Variants in RAB31 observed in about 807,000 individuals in gnomAD.
The protein encoded by RAB31 is ras-related protein Rab-31.
A neutral mutation model predicts 25.6 loss-of-function variants in RAB31; 21 were observed. The observed-to-expected ratio is 0.82, with a 90% CI of 0.58 to 1.18. The LOEUF (loss-of-function observed/expected upper bound fraction) is 1.18, where lower values mean the gene tolerates loss of function less well. Among genes scored for constraint, RAB31 ranks in the 50% most tolerant of loss-of-function variants. The probability of loss-of-function intolerance (pLI) is 0.00; values close to 1 mark genes in which losing one functional copy is unlikely to be tolerated. For missense variants in RAB31, 196 were observed against 250.1 expected (o/e 0.78, Z 1.46); for synonymous variants, 87 against 84.0 (o/e 1.04, Z -0.20).
At chr18:9,835,158 G>C (rs1216253920) in intron 5 of RAB31, among the ~76,000 whole-genome samples, 2 of 152,126 alleles carry the variant, frequency 1.3e-5, no homozygotes, top group Non-Finnish European at 2.9e-5. Context: ...ACGGTGTAGG[G>C]TCCAGCTTCT....
chr18:9,825,273 C>T (rs2068644234), intron 5 of RAB31, among the ~76,000 whole-genome samples: 1 of 152,100 alleles, frequency 6.6e-6, no homozygotes, highest in Non-Finnish European at 1.5e-5. Flanking sequence ...TGGCATGGGG[C>T]TAATTCAAGG....
At chr18:9,800,851 A>G (rs1029392698) in intron 3 of RAB31, among the ~76,000 whole-genome samples, 2 of 152,194 alleles carry the variant, frequency 1.3e-5, no homozygotes, top group Non-Finnish European at 1.5e-5. Context: ...TTATCCATCT[A>G]AAGTACGCAC....
intron 5 of RAB31, among the ~76,000 whole-genome samples, chr18:9,831,464 C>T (rs770342638): frequency 1.3e-5 from 2 of 152,256 alleles, no homozygotes; most frequent in African/African-American, 4.8e-5. Context: ...TAGGACTCCA[C>T]AGGAAACACA....
chr18:9,807,442 G>A (rs1446295927), intron 3 of RAB31, among the ~76,000 whole-genome samples: 1 of 152,086 alleles, frequency 6.6e-6, no homozygotes, highest in East Asian at 1.9e-4. Context: ...TGCATATCAC[G>A]GTGGCTGTGT....
At chr18:9,849,165 G>A (rs2068776184) in intron 6 of RAB31, among the ~76,000 whole-genome samples, 1 of 152,042 alleles carries the variant, frequency 6.6e-6, no homozygotes, top group South Asian at 2.1e-4. Flanking sequence ...ACCCAAGGAA[G>A]AAAAGTAAAA....
At chr18:9,762,638 G>A (rs373373456) in intron 1 of RAB31, among the ~76,000 whole-genome samples, 13 of 151,842 alleles carry the variant, frequency 8.6e-5, no homozygotes, top group African/African-American at 1.9e-4. Context: ...TTTGTACATC[G>A]GGACAAACTG....
chr18:9,848,941 A>C (rs2068775104), intron 6 of RAB31, among the ~76,000 whole-genome samples: 1 of 152,164 alleles, frequency 6.6e-6, no homozygotes, highest in Admixed American at 6.5e-5. Context: ...TAAAGACTGA[A>C]GCTACCCTGT....
At chr18:9,795,511 C>A (rs2068482779) in intron 3 of RAB31, among the ~76,000 whole-genome samples, 1 of 152,174 alleles carries the variant, frequency 6.6e-6, no homozygotes, top group South Asian at 2.1e-4. Flanking sequence ...ATATCCAGAT[C>A]TACATGGAAC....
chr18:9,720,613 G>T (rs1160667059), intron 1 of RAB31, among the ~76,000 whole-genome samples: 1 of 151,906 alleles, frequency 6.6e-6, no homozygotes. Flanking sequence ...CCCAAGATTC[G>T]GTGTCAGAGT....
intron 1 of RAB31, among the ~76,000 whole-genome samples, chr18:9,715,190 G>A (rs985030460): frequency 6.6e-6 from 1 of 152,114 alleles, no homozygotes; most frequent in Admixed American, 6.5e-5. Flanking sequence ...GGGCTGTGAA[G>A]TGGGGAGTTG....
intron 6 of RAB31, among the ~76,000 whole-genome samples, chr18:9,855,451 C>T (rs531176844): frequency 1.3e-5 from 2 of 152,136 alleles, no homozygotes; most frequent in Admixed American, 6.5e-5. Context: ...TATTTTTGTC[C>T]TGCTCTATGC....
intron 3 of RAB31, among the ~76,000 whole-genome samples, chr18:9,801,468 A>G (rs1325986724): frequency 6.6e-6 from 1 of 151,966 alleles, no homozygotes; most frequent in Non-Finnish European, 1.5e-5. Context: ...TTTTTAGTAG[A>G]GACAGGGTTT....
rs908571754 is a variant in RAB31, at chr18:9,847,903, A to G, written c.490+2212A>G. ...GTAATAACTTAAAAGACATTTATCC[A>G]GTATAAATCCCTTCCTGTGTGTGAC... On this transcript the variant is annotated intron_variant, in intron 6 of 6. Coordinates refer to ENST00000578921, the MANE Select transcript of RAB31 (RefSeq NM_006868.4). Among the ~76,000 whole-genome samples the G allele has an allele frequency of 3.3e-5, 5 of 152,120 alleles. No homozygotes were observed. The East Asian group carries it at 5.8e-4, about 18-fold the overall frequency.
At chr18:9,791,276 G>T (rs1437568755) in intron 2 of RAB31, among the ~76,000 whole-genome samples, 1 of 151,342 alleles carries the variant, frequency 6.6e-6, no homozygotes, top group Non-Finnish European at 1.5e-5. Context: ...CATACCAGCT[G>T]CTATTTTCAC....
chr18:9,809,741 G>T (rs1423940633), intron 3 of RAB31, among the ~76,000 whole-genome samples: 3 of 152,168 alleles, frequency 2.0e-5, no homozygotes, highest in African/African-American at 7.2e-5. Context: ...CAGTTTTTCA[G>T]CATCATTGAT....
chr18:9,786,651 T>A (rs192914559), intron 2 of RAB31: 1 of 152,318 alleles, frequency 6.6e-6, no homozygotes, highest in African/African-American at 2.4e-5. Flanking sequence ...ACAGATTTGG[T>A]CATAGAGGTT....
At chr18:9,799,890 AG>A in intron 3 of RAB31, among the ~76,000 whole-genome samples, 2 of 152,320 alleles carry the variant, frequency 1.3e-5, no homozygotes, top group South Asian at 2.1e-4. Context: ...GACTATGAAG[AG>A]GGGAAGAGTG....
At chr18:9,824,379 T>A (rs1370567986) in intron 5 of RAB31, among the ~76,000 whole-genome samples, 14 of 151,656 alleles carry the variant, frequency 9.2e-5, no homozygotes, top group Admixed American at 9.2e-4. Flanking sequence ...TGTGTAGATG[T>A]GTATGTGTGT....
intron 5 of RAB31, among the ~76,000 whole-genome samples, chr18:9,823,178 G>T (rs2068632297): frequency 6.6e-6 from 1 of 152,162 alleles, no homozygotes; most frequent in Non-Finnish European, 1.5e-5. Flanking sequence ...CACATTGCAT[G>T]GTTCCATTTA....
Sources: gnomAD v4.1 joint callset for allele counts (sites outside exome capture counted in the v4.1 genomes callset) on GRCh38, gnomAD v4.1.1 for gene constraint, MANE v1.5 for transcripts, NCBI Gene and HGNC (gene_info 2026-07-23, HGNC 2026-07-21) for gene names.